Variants in EIF2B2 observed in about 807,000 individuals in gnomAD.
EIF2B2 encodes eukaryotic translation initiation factor 2B subunit beta, also known as translation initiation factor eIF2B subunit beta.
In EIF2B2, 34 loss-of-function variants were observed where a neutral mutation model predicts 34.7. The observed-to-expected ratio is 0.98, with a 90% confidence interval of 0.75 to 1.31. The LOEUF is 1.31. EIF2B2 is among the 50% of genes most tolerant of loss of function. EIF2B2 has a pLI of 0.00. For missense variants in EIF2B2, 361 were observed against 447.7 expected (o/e 0.81, Z 1.75); for synonymous variants, 155 against 171.6 (o/e 0.90, Z 0.76).
chr14:75,011,484 A>G lies in EIF2B2; in HGVS notation c.*2296A>G, dbSNP rs2139260197. On this transcript the variant is annotated 3_prime_UTR_variant, in exon 8 of 8. Transcript: ENST00000266126. ...TGTGGGCTTTGAACAGGTGATTTGA[A>G]ACCACATTTTGGTTAACACTGGGCA... 6.6e-6 allele frequency: 1 copy of G among 152,328 alleles called. No homozygotes were observed. The highest frequency in any genetic ancestry group is 2.4e-5 in the African/African-American group (1 of 41,580). The allele number at this position is 152,328 out of a possible 1,614,324, so 9.4% of individuals were successfully genotyped here. A position where few individuals can be genotyped will look rare whatever the true frequency, so the allele number is the denominator to read the frequency against.
chr14:75,007,448 A>T, intron 6 of EIF2B2: 1 of 380,878 alleles, frequency 2.6e-6, no homozygotes. Flanking sequence ...TTTTTCACTT[A>T]GCATGATGTT....
At position 75,009,147 on chromosome 14, in the gene EIF2B2, C is replaced by T; in HGVS notation, c.1015C>T (p.Leu339=). The part of the protein sequence containing the change: ...GGNAPSYIYR[L]MSELYHPDDH... ...GAATGCACCTTCCTACATCTACCGC[C>T]TGATGAGTGAACTCTACCATCCTGA... The change falls in exon 8 of 8, where the codon CTG becomes TTG. Residue 339 remains leucine (L), a synonymous_variant. Coordinates refer to ENST00000266126, the MANE Select transcript of EIF2B2 (RefSeq NM_014239.4). The T allele has an allele frequency of 6.2e-7, 1 of 1,614,134 alleles. No homozygotes were observed. The highest frequency in any genetic ancestry group is 8.5e-7 in the Non-Finnish European group (1 of 1,180,018).
At chr14:75,005,826 C>T (rs759197453) in intron 4 of EIF2B2, 40 bp from the exon 5 acceptor site, 2 of 1,481,806 alleles carry the variant, frequency 1.3e-6, no homozygotes, top group Non-Finnish European at 1.9e-6. Context: ...CACTATTTCT[C>T]ACTCTTTCTC....
In EIF2B2 at chr14:75,003,071, G is replaced by A. The variant is rs762611298; in HGVS notation, c.81G>A (p.Gly27=). The part of the protein sequence containing the change: ...SFVETLKRGG[G]PRSSEEMARE... The stretch of plus-strand genomic sequence containing the variant: ...TGGAGACCCTGAAGCGGGGTGGTGG[G>A]CCGCGCAGCTCCGAGGAAATGGCTC... Residue 27 remains glycine, a synonymous_variant, in exon 1 of 8, where the codon GGG becomes GGA. Transcript: ENST00000266126. The A allele has an allele frequency of 1.2e-5, 19 of 1,614,072 alleles. No homozygotes were observed. In the Admixed American group the frequency reaches 2.2e-4, roughly 18 times the overall value.
chr14:75,009,182 T>G lies in EIF2B2; in HGVS notation c.1050T>G (p.Val350=). 1 of 1,614,080 alleles carries G rather than the reference T, an allele frequency of 6.2e-7. No individual in the cohort carries two copies. The highest frequency in any genetic ancestry group is 8.5e-7 in the Non-Finnish European group (1 of 1,179,972). ...MSELYHPDDH[V]L is the part of the protein sequence containing the mutation. ...AACTCTACCATCCTGATGATCATGT[T>G]TTATGACCGACCACACGTGTCCTAA... Residue 350 remains valine (V), a synonymous_variant, in exon 8 of 8, where the codon GTT becomes GTG. Coordinates refer to ENST00000266126, the MANE Select transcript of EIF2B2 (RefSeq NM_014239.4).
rs1319864706 is a variant in EIF2B2, at chr14:75,010,134, T to G, written c.*946T>G. The G allele has an allele frequency of 6.6e-6, 1 of 152,116 alleles. No homozygotes were observed. Among genetic ancestry groups the G allele is most frequent in the Non-Finnish European group, 1.5e-5 (1 of 68,036 alleles). 9.4% of individuals were successfully genotyped at this position (152,116 alleles called of 1,614,324 possible). ...GCTGATCATCAGAATCACCTGAGAG[T>G]GATTCCGATCACTCACTCACACAGT... On this transcript the variant is annotated 3_prime_UTR_variant, in exon 8 of 8. Transcript: ENST00000266126.
chr14:75,003,162 G>C lies in EIF2B2; in HGVS notation c.163+9G>C. 6.2e-7 allele frequency: 1 copy of C among 1,613,312 alleles called. No individual in the cohort carries two copies. Among genetic ancestry groups the C allele is most frequent in the Non-Finnish European group, 8.5e-7 (1 of 1,179,918 alleles). ...CCGCTGGAGCAACGCGGGTGAGGCC[G>C]GCCTGCCTCCGCCGGCGAACCTGGC... On this transcript the variant is annotated intron_variant, in intron 1 of 7. Transcript: ENST00000266126.
rs1439032895 is a variant in EIF2B2 at position 75,006,412 on chromosome 14, C to G, written c.694-165C>G. 15 of 984,726 alleles carry G rather than the reference C, an allele frequency of 1.5e-5. No homozygotes were observed. The highest frequency in any genetic ancestry group is 1.9e-5 in the Non-Finnish European group (13 of 672,524). The allele number at this position is 984,726 out of a possible 1,614,324, so 61.0% of individuals were successfully genotyped here. A position where few individuals can be genotyped will look rare whatever the true frequency, so the allele number is the denominator to read the frequency against. On this transcript the variant is annotated intron_variant, in intron 5 of 7. Transcript: ENST00000266126. The surrounding 1 kb of genome is among the most constrained non-coding windows in gnomAD (Gnocchi z 4.1). ...CATTCATTCTTTCCTTGGAAACCTACTTTTAAGCTAGAACTTGTATTGAGC... is the reference window on the plus strand; with the variant it reads ...CATTCATTCTTTCCTTGGAAACCTAGTTTTAAGCTAGAACTTGTATTGAGC...
chr14:75,007,267 ACT>A (rs2139255719), intron 6 of EIF2B2: 1 of 356,834 alleles, frequency 2.8e-6, no homozygotes, highest in African/African-American at 2.1e-5. Context: ...TACAACCACC[ACT>A]CTCTAGTTTC....
Position 75,002,959 on chromosome 14 carries a change from G to A in EIF2B2, c.-32G>A, listed in dbSNP as rs2139249885. The A allele has an allele frequency of 3.1e-6, 5 of 1,613,424 alleles. No individual in the cohort carries two copies. The highest frequency in any genetic ancestry group is 4.2e-6 in the Non-Finnish European group (5 of 1,180,006). ...GTGTGGTCTGGCAGGTGTGGATTCC[G>A]CCGGTGAAGGCTGAAGGCAGCTACC... On this transcript the variant is annotated 5_prime_UTR_variant, in exon 1 of 8. Transcript: ENST00000266126.
At chr14:75,004,956 A>C in intron 4 of EIF2B2, 56 bp downstream of exon 4, 5 of 1,569,786 alleles carry the variant, frequency 3.2e-6, no homozygotes, top group Non-Finnish European at 4.4e-6. Flanking sequence ...GAAGAAATAA[A>C]CGAGAGATGG....
rs554092942 is a variant in EIF2B2, at chr14:75,011,387, A to C, written c.*2199A>C. On this transcript the variant is annotated 3_prime_UTR_variant, in exon 8 of 8. Coordinates refer to ENST00000266126, the MANE Select transcript of EIF2B2 (RefSeq NM_014239.4). ...GCCATGTTTAGGAACTAGTGGTCCA[A>C]AGCAGGGCCTCTTGTGCAGTGTCTG... 1.3e-5 allele frequency: 2 copies of C among 152,350 alleles called. No individual in the cohort carries two copies. Among genetic ancestry groups the C allele is most frequent in the African/African-American group, 4.8e-5 (2 of 41,572 alleles). 9.4% of individuals were successfully genotyped at this position (152,350 alleles called of 1,614,324 possible). A position where few individuals can be genotyped will look rare whatever the true frequency, so the allele number is the denominator to read the frequency against.
chr14:75,008,976 AAT>A, intron 7 of EIF2B2, 53 bp from the exon 8 acceptor site: 1 of 1,611,274 alleles, frequency 6.2e-7, no homozygotes. Context: ...TATGCTACTT[AAT>A]TATGAGAGAG....
intron 3 of EIF2B2, 103 bp from the exon 4 acceptor site, chr14:75,004,634 A>C: frequency 6.7e-5 from 24 of 357,702 alleles, no homozygotes; most frequent in Non-Finnish European, 9.2e-5. Context: ...TTTTCCGTAT[A>C]CGCGTAATGT....
At position 75,004,707 on chromosome 14, in the gene EIF2B2, T is replaced by G. The variant is rs750033749; in HGVS notation, c.434-30T>G. The G allele has an allele frequency of 2.7e-5, 25 of 917,224 alleles. 1 individual carries two copies. The East Asian group carries it at 1.1e-3, about 42-fold the overall frequency. 56.8% of individuals were successfully genotyped at this position (917,224 alleles called of 1,614,324 possible). A position where few individuals can be genotyped will look rare whatever the true frequency, so the allele number is the denominator to read the frequency against. ...TATATATATTTTTTTTTTTTTTTTT[T>G]TTTTTTTTTTTGCAAAACCGTTCTT... On this transcript the variant is annotated intron_variant, in intron 3 of 7. Transcript: ENST00000266126.
At position 75,003,700 on chromosome 14, in the gene EIF2B2, G is replaced by A. The variant is rs1889578224; in HGVS notation, c.433+1G>A. ...ATTAATGAGCTGCTAGTGGAGCTGGGTAAGAGGCCTGATCGCTGGGAAAAT... is the reference window on the plus strand; with the variant it reads ...ATTAATGAGCTGCTAGTGGAGCTGGATAAGAGGCCTGATCGCTGGGAAAAT... On this transcript the variant is annotated splice_donor_variant, in intron 3 of 7. Transcript: ENST00000266126. LOFTEE classifies it high-confidence loss of function. 3 of 1,614,184 alleles carry A rather than the reference G, an allele frequency of 1.9e-6. No individual in the cohort carries two copies. The highest frequency in any genetic ancestry group is 2.5e-6 in the Non-Finnish European group (3 of 1,180,042).
At position 75,003,369 on chromosome 14, in the gene EIF2B2, C is replaced by T; in HGVS notation, c.258C>T (p.Leu86=). ...TGGGCAACATGGTGCGGAGAGTGCT[C>T]AAGATTATCCGGGAGGAGTATGGCA... ...TTVGNMVRRV[L]KIIREEYGRL... Residue 86 remains leucine, a synonymous_variant, in exon 2 of 8, where the codon CTC becomes CTT. Coordinates refer to ENST00000266126, the MANE Select transcript of EIF2B2 (RefSeq NM_014239.4). 6.2e-7 allele frequency: 1 copy of T among 1,613,882 alleles called. No individual in the cohort carries two copies. Among genetic ancestry groups the T allele is most frequent in the Admixed American group, 1.7e-5 (1 of 59,998 alleles).
Position 75,004,689 on chromosome 14 carries a change from A to ATTTTT in EIF2B2, c.434-23_434-19dup, listed in dbSNP as rs376012405. On this transcript the variant is annotated intron_variant, in intron 3 of 7. Transcript: ENST00000266126. ...TTCATATATATATATATATATATAT[A>ATTTTT]TTTTTTTTTTTTTTTTTTTTTTTTT... The ATTTTT allele has an allele frequency of 2.1e-3, 323 of 155,282 alleles. 17 individuals carry two copies. The highest frequency in any genetic ancestry group is 2.6e-3 in the Admixed American group (23 of 8,906). 9.6% of individuals were successfully genotyped at this position (155,282 alleles called of 1,614,324 possible). A position where few individuals can be genotyped will look rare whatever the true frequency, so the allele number is the denominator to read the frequency against.
At position 75,006,548 on chromosome 14, in the gene EIF2B2, T is replaced by C; in HGVS notation, c.694-29T>C. 6.2e-7 allele frequency: 1 copy of C among 1,612,496 alleles called. No homozygotes were observed. Among genetic ancestry groups the C allele is most frequent in the South Asian group, 1.1e-5 (1 of 91,080 alleles). On this transcript the variant is annotated intron_variant, in intron 5 of 7. Transcript: ENST00000266126. The surrounding 1 kb of genome is among the most constrained non-coding windows in gnomAD (Gnocchi z 4.1). ...CCCTTTTAGGGCTCCACCCCCAGGA[T>C]GGCTCACATTTTTTGTCTTGTCCCA...
Sources: allele counts gnomAD v4.1 joint callset, GRCh38; gene constraint gnomAD v4.1.1; non-coding constraint Gnocchi (gnomAD v3.1); transcripts MANE v1.5; gene names NCBI Gene and HGNC (gene_info 2026-07-23, HGNC 2026-07-21).